The following EPC2 variants were observed in gnomAD, a reference collection of about 807,000 sequenced individuals.
The protein encoded by EPC2 is enhancer of polycomb homolog 2.
In EPC2, 14 loss-of-function variants were observed where a neutral mutation model predicts 92.1. That is an observed-to-expected ratio of 0.15 (90% CI 0.10 to 0.24). The LOEUF (loss-of-function observed/expected upper bound fraction) is 0.24. Ranked by LOEUF, EPC2 falls within the 10% of genes least tolerant of loss-of-function variation. The probability of loss-of-function intolerance (pLI) is 1.00; values close to 1 mark genes in which losing one functional copy is unlikely to be tolerated. For missense variants in EPC2, 755 were observed against 971.5 expected, an observed-to-expected ratio of 0.78 and a Z score of 2.96; for synonymous variants, 340 against 334.7, an observed-to-expected ratio of 1.02 and a Z score of -0.17.
chr2:148,786,488 G>A lies in EPC2; in HGVS notation c.*111G>A. On this transcript the variant is annotated 3_prime_UTR_variant, in exon 14 of 14. Coordinates refer to ENST00000258484, the MANE Select transcript of EPC2 (RefSeq NM_015630.4). ...ACAGAGTGTAACAATGGACCTAAAT[G>A]GACTATAGTATATTGGATGTTAAAT... 1 of 799,854 alleles carries A rather than the reference G, an allele frequency of 1.3e-6. No individual in the cohort carries two copies. The highest frequency in any genetic ancestry group is 2.1e-6 in the Non-Finnish European group (1 of 483,410). The allele number at this position is 799,854 out of a possible 1,614,324, so 49.5% of individuals were successfully genotyped here.
Position 148,644,906 on chromosome 2 carries a change from G to C in EPC2, c.-112G>C. On this transcript the variant is annotated 5_prime_UTR_variant, in exon 1 of 14. Transcript: ENST00000258484. The stretch of plus-strand genomic sequence containing the variant: ...GGGGCAGTGAGGAGGAGGAGGAGCG[G>C]GCCGGCCGCGCTGCACTGAGGAAGG... 1.1e-6 allele frequency: 1 copy of C among 935,674 alleles called. No individual in the cohort carries two copies. The highest frequency in any genetic ancestry group is 1.6e-5 in the South Asian group (1 of 63,318). 58.0% of individuals were successfully genotyped at this position (935,674 alleles called of 1,614,324 possible). A position where few individuals can be genotyped will look rare whatever the true frequency, so the allele number is the denominator to read the frequency against.
At chr2:148,701,804 T>A (rs560739327) in intron 2 of EPC2, among the ~76,000 whole-genome samples, 2 of 152,312 alleles carry the variant, frequency 1.3e-5, no homozygotes, top group Non-Finnish European at 2.9e-5. Context: ...GAGAGATTGA[T>A]AAAATTTCTT....
intron 2 of EPC2, among the ~76,000 whole-genome samples, chr2:148,728,694 C>T (rs1682552041): frequency 6.9e-6 from 1 of 144,888 alleles, no homozygotes; most frequent in Non-Finnish European, 1.5e-5. Flanking sequence ...CGTGCTACTG[C>T]ACTGCATCCT....
chr2:148,701,598 A>G (rs545894337), intron 2 of EPC2, among the ~76,000 whole-genome samples: 10 of 152,284 alleles, frequency 6.6e-5, no homozygotes, highest in Admixed American at 2.0e-4. Flanking sequence ...GTCTTGGTGT[A>G]TAATTTTTAT....
rs1400602203 is a variant in EPC2, at chr2:148,690,354, A to G, written c.294A>G (p.Lys98=). 2 of 1,599,652 alleles carry G rather than the reference A, an allele frequency of 1.3e-6. No individual in the cohort carries two copies. Among genetic ancestry groups the G allele is most frequent in the Admixed American group, 1.8e-5 (1 of 55,512 alleles). ...RLYKGEFKQP[K]QFIHIQPFNL... ...ACAAAGGAGAGTTTAAACAGCCAAA[A>G]CAGTTCATTCATATTCAGCGTAAGT... The change falls in exon 2 of 14, where the codon AAA becomes AAG. Residue 98 remains lysine (K), a synonymous_variant. Transcript: ENST00000258484.
intron 1 of EPC2, among the ~76,000 whole-genome samples, chr2:148,663,070 G>A (rs1362293948): frequency 1.3e-5 from 2 of 151,610 alleles, no homozygotes; most frequent in Non-Finnish European, 2.9e-5. Context: ...GCTGCAAGTA[G>A]GGTGAGATGA....
chr2:148,656,030 G>C (rs375515852), intron 1 of EPC2, among the ~76,000 whole-genome samples: 1 of 127,334 alleles, frequency 7.9e-6, no homozygotes, highest in Non-Finnish European at 1.7e-5. Flanking sequence ...TGTGTGGGGG[G>C]GGGGGGGGTT....
At chr2:148,669,141 A>G (rs1256888937) in intron 1 of EPC2, among the ~76,000 whole-genome samples, 1 of 151,862 alleles carries the variant, frequency 6.6e-6, no homozygotes, top group Admixed American at 6.6e-5. Context: ...TTTGATTTTC[A>G]TCTCTTGTGG....
intron 7 of EPC2, among the ~76,000 whole-genome samples, chr2:148,768,904 G>C (rs1683465633): frequency 6.6e-6 from 1 of 152,174 alleles, no homozygotes; most frequent in South Asian, 2.1e-4. Context: ...AGCACTTCAT[G>C]TTTAGAAGCA....
chr2:148,723,110 A>G (rs1419548541), intron 2 of EPC2, among the ~76,000 whole-genome samples: 3 of 152,214 alleles, frequency 2.0e-5, no homozygotes, highest in Non-Finnish European at 4.4e-5. Context: ...TAGTCTGTAT[A>G]TCAAACCCCC....
At chr2:148,775,658 A>AAATTAAATAAAATAAAATTTAATTT (rs1683619780) in intron 10 of EPC2, among the ~76,000 whole-genome samples, 1 of 138,594 alleles carries the variant, frequency 7.2e-6, no homozygotes, top group Non-Finnish European at 1.6e-5. Flanking sequence ...TCTTTAAATA[A>AAATTAAATAAAATAAAATTTAATTT]AATTAAATAA....
chr2:148,771,003 C>G (rs779005072), intron 9 of EPC2, 41 bp from the exon 10 acceptor site: 1 of 1,592,614 alleles, frequency 6.3e-7, no homozygotes, highest in Non-Finnish European at 8.5e-7. Context: ...AGAACATGTT[C>G]AGCTCTCTCA....
intron 1 of EPC2, among the ~76,000 whole-genome samples, chr2:148,646,346 C>T (rs955705931): frequency 6.6e-6 from 1 of 152,144 alleles, no homozygotes; most frequent in African/African-American, 2.4e-5. Flanking sequence ...TACTACTTTG[C>T]TCTTATTTAA....
chr2:148,676,144 G>A (rs1224816574), intron 1 of EPC2, among the ~76,000 whole-genome samples: 1 of 150,092 alleles, frequency 6.7e-6, no homozygotes, highest in Non-Finnish European at 1.5e-5. Context: ...TTTTTTTAAA[G>A]TCTGCTTTAT....
intron 1 of EPC2, among the ~76,000 whole-genome samples, chr2:148,668,799 G>C (rs141533671): frequency 2.0e-5 from 3 of 151,928 alleles, no homozygotes; most frequent in African/African-American, 7.3e-5. Context: ...AATCTGGCTA[G>C]AGGTTTATCA....
chr2:148,671,037 T>C (rs1681143425), intron 1 of EPC2, among the ~76,000 whole-genome samples: 1 of 152,190 alleles, frequency 6.6e-6, no homozygotes, highest in Non-Finnish European at 1.5e-5. Flanking sequence ...GATGGTTTCT[T>C]GGGTACTTGG....
intron 1 of EPC2, among the ~76,000 whole-genome samples, chr2:148,659,391 ATCT>A (rs1680888453): frequency 6.6e-6 from 1 of 152,130 alleles, no homozygotes; most frequent in Non-Finnish European, 1.5e-5. Flanking sequence ...AAAATAGTTA[ATCT>A]TCATTGCATG....
At chr2:148,672,189 C>CAT (rs2105361221) in intron 1 of EPC2, among the ~76,000 whole-genome samples, 1 of 152,224 alleles carries the variant, frequency 6.6e-6, no homozygotes, top group East Asian at 1.9e-4. Flanking sequence ...TGAATTAACT[C>CAT]ATTTGTCTTT....
At chr2:148,711,127 T>C (rs375971161) in intron 2 of EPC2, among the ~76,000 whole-genome samples, 1 of 152,098 alleles carries the variant, frequency 6.6e-6, no homozygotes, top group Non-Finnish European at 1.5e-5. Context: ...TCACTTACTT[T>C]GGGTTTCATT....
Sources: allele counts gnomAD v4.1 joint callset (sites outside exome capture counted in the v4.1 genomes callset), GRCh38; gene constraint gnomAD v4.1.1; transcripts MANE v1.5; gene names NCBI Gene and HGNC (gene_info 2026-07-23, HGNC 2026-07-21).